The following PIK3C2B variants were observed in gnomAD, a reference collection of about 807,000 sequenced individuals.
PIK3C2B encodes phosphatidylinositol 4-phosphate 3-kinase C2 domain-containing subunit beta.
In PIK3C2B, 83 loss-of-function variants were observed where a neutral mutation model predicts 184.3. The observed-to-expected ratio is 0.45, with a 90% CI of 0.38 to 0.54. The LOEUF (loss-of-function observed/expected upper bound fraction) is 0.54, where lower values mean the gene tolerates loss of function less well. Ranked by LOEUF, PIK3C2B falls within the 20% of genes least tolerant of loss-of-function variation. The probability of loss-of-function intolerance (pLI) is 0.00; values close to 1 mark genes in which losing one functional copy is unlikely to be tolerated. For synonymous variants in PIK3C2B, 779 were observed against 837.6 expected (o/e 0.93, Z 1.21); for missense variants, 1,736 against 2,113.5 (o/e 0.82, Z 3.50).
At chr1:204,479,483 A>G (rs749460255) in intron 1 of PIK3C2B, among the ~76,000 whole-genome samples, 2 of 152,194 alleles carry the variant, frequency 1.3e-5, no homozygotes, top group African/African-American at 2.4e-5. Flanking sequence ...CCCATCCTGT[A>G]TCAGAAAAAC....
intron 1 of PIK3C2B, among the ~76,000 whole-genome samples, chr1:204,485,576 C>CTTTT (rs11407141): frequency 7.1e-6 from 1 of 140,432 alleles, no homozygotes; most frequent in African/African-American, 2.6e-5. Flanking sequence ...GTCATTCTTC[C>CTTTT]TTTTTTTTTT....
At chr1:204,491,385 T>A (rs1657991958) in intron 1 of PIK3C2B, among the ~76,000 whole-genome samples, 1 of 134,122 alleles carries the variant, frequency 7.5e-6, no homozygotes, top group African/African-American at 2.7e-5. Context: ...TGAGACTCTG[T>A]CTCAAAAAAA....
Position 204,433,910 on chromosome 1 carries a change from A to G in PIK3C2B, c.3726T>C (p.Tyr1242=). 6.2e-7 allele frequency: 1 copy of G among 1,614,130 alleles called. No homozygotes were observed. The highest frequency in any genetic ancestry group is 8.5e-7 in the Non-Finnish European group (1 of 1,180,010). The change falls in exon 25 of 33, where the codon TAT becomes TAC. Residue 1242 remains tyrosine, a synonymous_variant. Transcript: ENST00000684373. The surrounding 1 kb of genome is among the most constrained non-coding windows in gnomAD (Gnocchi z 5.0). ...APFVFTSDMA[Y]VINGGDKPSS... is the part of the protein sequence containing the mutation. ...AAGGCTTGTCACCCCCGTTGATGAC[A>G]TACGCCATGTCCGAGGTGAAGACAA...
chr1:204,438,294 G>A (rs192448663), intron 23 of PIK3C2B, among the ~76,000 whole-genome samples: 1 of 152,304 alleles, frequency 6.6e-6, no homozygotes, highest in African/African-American at 2.4e-5. Context: ...AGAGACTAGA[G>A]TTGTGATGCT....
intron 22 of PIK3C2B, 113 bp downstream of exon 22, chr1:204,440,079 A>C (rs1007456939): frequency 6.8e-5 from 75 of 1,100,052 alleles, no homozygotes; most frequent in Non-Finnish European, 9.4e-5. Context: ...CTCATGAAAT[A>C]ATCTTGCCCT....
At chr1:204,457,636 G>C in intron 9 of PIK3C2B, 92 bp downstream of exon 9, 1 of 1,262,310 alleles carries the variant, frequency 7.9e-7, no homozygotes, top group Non-Finnish European at 1.1e-6. Context: ...TTTTTAGTGA[G>C]TGAACACCTA....
chr1:204,455,991 G>A lies in PIK3C2B; in HGVS notation c.1808C>T (p.Thr603Ile). The A allele has an allele frequency of 6.2e-7, 1 of 1,614,186 alleles. No individual in the cohort carries two copies. Among genetic ancestry groups the A allele is most frequent in the East Asian group, 2.2e-5 (1 of 44,888 alleles). ...TGCCGTCTGGAAGTCTGCGTTGAATGTGTTGCAGTACAGCTCCACCAGGTC... is the reference window on the plus strand; with the variant it reads ...TGCCGTCTGGAAGTCTGCGTTGAATATGTTGCAGTACAGCTCCACCAGGTC... ...ILDLVELYCN[T>I]FNADFQTAVP... Residue 603 changes from threonine (T) to isoleucine (I), a missense_variant, in exon 11 of 33, where the codon ACA (threonine) becomes ATA (isoleucine). Thr to Ile is a moderately conservative substitution (Grantham distance 89). Coordinates refer to ENST00000684373, the MANE Select transcript of PIK3C2B (RefSeq NM_001377334.1).
intron 12 of PIK3C2B, among the ~76,000 whole-genome samples, chr1:204,453,522 G>A (rs1654552164): frequency 6.6e-6 from 1 of 152,196 alleles, no homozygotes; most frequent in Non-Finnish European, 1.5e-5. Flanking sequence ...ATGAGGCACA[G>A]AAAGAATAGA....
chr1:204,431,557 A>T, intron 28 of PIK3C2B, 112 bp downstream of exon 28: 2 of 1,326,226 alleles, frequency 1.5e-6, no homozygotes, highest in Non-Finnish European at 2.2e-6. Flanking sequence ...AAGCAGGCAG[A>T]TGTTTAGTCC....
chr1:204,482,115 G>C (rs1025188266), intron 1 of PIK3C2B, among the ~76,000 whole-genome samples: 2 of 12,260 alleles, frequency 1.6e-4, no homozygotes, highest in African/African-American at 1.9e-4. Context: ...AAGACGGGGG[G>C]GGGGGGGGGG....
At chr1:204,438,563 C>T (rs573464513) in intron 23 of PIK3C2B, among the ~76,000 whole-genome samples, 8 of 152,310 alleles carry the variant, frequency 5.3e-5, no homozygotes, top group Admixed American at 2.0e-4. Flanking sequence ...TCTCTTCCAA[C>T]CAACTCTTTT....
intron 12 of PIK3C2B, among the ~76,000 whole-genome samples, chr1:204,453,097 C>T (rs891080587): frequency 6.6e-6 from 1 of 152,164 alleles, no homozygotes; most frequent in Non-Finnish European, 1.5e-5. Context: ...TTTGCATCCT[C>T]GGCCTCCCCA....
At position 204,464,128 on chromosome 1, in the gene PIK3C2B, G is replaced by A. The variant is rs114050006; in HGVS notation, c.1194C>T (p.Ser398=). The A allele has an allele frequency of 2.0e-5, 33 of 1,613,990 alleles. No individual in the cohort carries two copies. The African/African-American group carries it at 3.5e-4, about 17-fold the overall frequency. Residue 398 remains serine (S), a synonymous_variant, in exon 5 of 33, where the codon TCC becomes TCT. Coordinates refer to ENST00000684373, the MANE Select transcript of PIK3C2B (RefSeq NM_001377334.1). The part of the protein sequence containing the change: ...QEALTFTCNC[S]STVDLLIYQT... ...GGTAGATAAGCAAGTCTACAGTGGA[G>A]GAACCTGTGAAGGGTAAGGTAGGGG...
In PIK3C2B at chr1:204,427,645, T is replaced by C. The variant is rs918222057; in HGVS notation, c.4587+3A>G. On this transcript the variant is annotated splice_donor_region_variant and intron_variant, in intron 31 of 32. Coordinates refer to ENST00000684373, the MANE Select transcript of PIK3C2B (RefSeq NM_001377334.1). Reference sequence around the variant, plus strand: ...AAAAAATCACGGCTGTGCAGGCACTTACCAAGCCCCGAATATGCATCACCA... The same window carrying C: ...AAAAAATCACGGCTGTGCAGGCACTCACCAAGCCCCGAATATGCATCACCA... The C allele has an allele frequency of 3.7e-6, 6 of 1,601,146 alleles. No individual in the cohort carries two copies. Among genetic ancestry groups the C allele is most frequent in the Non-Finnish European group, 2.6e-6 (3 of 1,168,332 alleles).
At chr1:204,457,184 G>C in intron 9 of PIK3C2B, 114 bp from the exon 10 acceptor site, 3 of 798,168 alleles carry the variant, frequency 3.8e-6, no homozygotes, top group African/African-American at 1.7e-5. Flanking sequence ...GCTGAAATGT[G>C]AGTAGCTGAG....
Position 204,449,869 on chromosome 1 carries a change from G to T in PIK3C2B, c.2215C>A (p.Pro739Thr). Residue 739 changes from proline to threonine, a missense_variant, in exon 13 of 33, where the codon CCA (proline) becomes ACA (threonine). Transcript: ENST00000684373. ...ACATACTGCCTGAAGTTGAAGAGTG[G>T]GGTAGTGACCCAGCCCAGGGCTTCA... is the stretch of plus-strand genomic sequence containing the variant. ...VPEALGWVTT[P>T]LFNFRQVLTC... The T allele has an allele frequency of 1.2e-6, 2 of 1,612,572 alleles. No homozygotes were observed. Among genetic ancestry groups the T allele is most frequent in the Non-Finnish European group, 1.7e-6 (2 of 1,179,188 alleles).
intron 27 of PIK3C2B, 123 bp from the exon 28 acceptor site, chr1:204,431,916 CAAGAGTGGAGA>C: frequency 1.8e-6 from 2 of 1,094,522 alleles, no homozygotes; most frequent in Non-Finnish European, 2.8e-6. Flanking sequence ...AGGAAGAGAG[CAAGAGTGGAGA>C]CAGATGATAG....
rs758051368 is a variant in PIK3C2B at position 204,445,948 on chromosome 1, C to G, written c.2678+8G>C. 6.7e-6 allele frequency: 10 copies of G among 1,498,380 alleles called. No homozygotes were observed. Among genetic ancestry groups the G allele is most frequent in the Non-Finnish European group, 8.1e-6 (9 of 1,113,192 alleles). The allele number at this position is 1,498,380 out of a possible 1,614,324, so 92.8% of individuals were successfully genotyped here. Reference sequence around the variant, plus strand: ...ACATAGTCAGAAAAGGCAGATGTTACAACTCACGTGGCATGCAGGAGCCCC... The same window carrying G: ...ACATAGTCAGAAAAGGCAGATGTTAGAACTCACGTGGCATGCAGGAGCCCC... On this transcript the variant is annotated splice_region_variant and intron_variant, in intron 16 of 32. Transcript: ENST00000684373.
chr1:204,483,114 C>G (rs1360390061), intron 1 of PIK3C2B, among the ~76,000 whole-genome samples: 1 of 152,152 alleles, frequency 6.6e-6, no homozygotes, highest in East Asian at 1.9e-4. Context: ...TCTCCTGCTT[C>G]CATCCGAATT....
Sources: gnomAD v4.1 joint callset for allele counts (sites outside exome capture counted in the v4.1 genomes callset) on GRCh38, gnomAD v4.1.1 for gene constraint, Gnocchi (gnomAD v3.1) non-coding constraint, MANE v1.5 for transcripts, NCBI Gene and HGNC (gene_info 2026-07-23, HGNC 2026-07-21) for gene names.